P2RY14: variants seen among roughly 807,000 people sequenced by gnomAD.
The protein encoded by P2RY14 is purinergic receptor P2Y14, also known as P2Y purinoceptor 14.
In P2RY14, 2 loss-of-function variants were observed where a neutral mutation model predicts 0.9. The observed-to-expected ratio is 2.16, with a 90% CI of 0.88 to 6.79. P2RY14 has a LOEUF of 6.79. Ranked by LOEUF, P2RY14 falls within the 30% of genes most tolerant of loss-of-function variation. P2RY14 has a pLI of 0.05. For missense variants in P2RY14, 378 were observed against 400.1 expected, an observed-to-expected ratio of 0.94 and a Z score of 0.47; for synonymous variants, 158 against 147.2, an observed-to-expected ratio of 1.07 and a Z score of -0.53.
At chr3:151,255,701 A>G (rs564387819) in intron 1 of P2RY14, among the ~76,000 whole-genome samples, 155 of 152,324 alleles carry the variant, frequency 1.0e-3, no homozygotes, top group African/African-American at 3.5e-3. Context: ...GAAAAAATAC[A>G]GCGAACTTGT....
At chr3:151,214,389 A>G (rs1727784700) in intron 2 of P2RY14, 49 bp from the exon 3 acceptor site, 3 of 1,287,384 alleles carry the variant, frequency 2.3e-6, no homozygotes, top group South Asian at 2.8e-5. Context: ...ATGGCCTCCA[A>G]GACATTTGCT....
intron 1 of P2RY14, among the ~76,000 whole-genome samples, chr3:151,272,625 T>C (rs939339566): frequency 6.6e-6 from 1 of 152,330 alleles, no homozygotes; most frequent in South Asian, 2.1e-4. Context: ...CTGCCCCAAG[T>C]ATAAAATATT....
At chr3:151,257,059 T>G (rs1737956723) in intron 1 of P2RY14, among the ~76,000 whole-genome samples, 1 of 152,188 alleles carries the variant, frequency 6.6e-6, no homozygotes, top group Non-Finnish European at 1.5e-5. Context: ...ATACAGCTGC[T>G]TCTGAGATAC....
At chr3:151,252,467 T>C (rs1737042943) in intron 1 of P2RY14, among the ~76,000 whole-genome samples, 1 of 152,168 alleles carries the variant, frequency 6.6e-6, no homozygotes, top group African/African-American at 2.4e-5. Context: ...GGTGAGCTGT[T>C]GAGAGCCAGG....
At chr3:151,256,862 TG>T (rs1737916520) in intron 1 of P2RY14, among the ~76,000 whole-genome samples, 2 of 150,482 alleles carry the variant, frequency 1.3e-5, no homozygotes, top group Admixed American at 6.6e-5. Context: ...TTTTTTTTGT[TG>T]TTTTTTTTTT....
intron 1 of P2RY14, among the ~76,000 whole-genome samples, chr3:151,242,216 C>T (rs1379424413): frequency 6.6e-6 from 1 of 152,264 alleles, no homozygotes; most frequent in African/African-American, 2.4e-5. Flanking sequence ...CGCCATTGCC[C>T]AGGCTTGATT....
chr3:151,231,178 C>G (rs1380083986), intron 1 of P2RY14, among the ~76,000 whole-genome samples: 1 of 152,158 alleles, frequency 6.6e-6, no homozygotes, highest in Admixed American at 6.5e-5. Context: ...AATGAGAAAG[C>G]TCTTGTTTAC....
chr3:151,265,118 C>T (rs531753994), intron 1 of P2RY14, among the ~76,000 whole-genome samples: 3 of 152,198 alleles, frequency 2.0e-5, no homozygotes, highest in Non-Finnish European at 2.9e-5. Flanking sequence ...TGCAGAACCA[C>T]TTGTTATGCT....
chr3:151,262,002 C>T (rs777186079), intron 1 of P2RY14, among the ~76,000 whole-genome samples: 1 of 152,162 alleles, frequency 6.6e-6, no homozygotes, highest in African/African-American at 2.4e-5. Flanking sequence ...GCTAAGATTA[C>T]AGGTATGTGC....
intron 1 of P2RY14, among the ~76,000 whole-genome samples, chr3:151,239,459 G>A (rs970068140): frequency 1.4e-4 from 21 of 152,182 alleles, no homozygotes; most frequent in Non-Finnish European, 1.5e-5. Flanking sequence ...AAGTGGATAT[G>A]AGAATCCAAC....
At chr3:151,263,641 A>C (rs2149511246) in intron 1 of P2RY14, among the ~76,000 whole-genome samples, 1 of 152,326 alleles carries the variant, frequency 6.6e-6, no homozygotes, top group East Asian at 1.9e-4. Flanking sequence ...ATTTGAAAGA[A>C]ACAATCCAAG....
At chr3:151,232,154 ATTGATGTTTC>A (rs1242574658) in intron 1 of P2RY14, among the ~76,000 whole-genome samples, 1 of 152,096 alleles carries the variant, frequency 6.6e-6, no homozygotes, top group Admixed American at 6.6e-5. Flanking sequence ...CATCCTTAAA[ATTGATGTTTC>A]TTGTTCTATT....
intron 1 of P2RY14, among the ~76,000 whole-genome samples, chr3:151,222,037 A>G (rs1202436354): frequency 1.3e-5 from 2 of 152,246 alleles, no homozygotes; most frequent in East Asian, 1.9e-4. Context: ...GGTGTGAGAC[A>G]TGGAGTCAAA....
intron 1 of P2RY14, among the ~76,000 whole-genome samples, chr3:151,245,304 G>T (rs1735162139): frequency 6.6e-6 from 1 of 151,934 alleles, no homozygotes; most frequent in Non-Finnish European, 1.5e-5. Flanking sequence ...AAGCTGGGCA[G>T]AGACACAACC....
intron 1 of P2RY14, among the ~76,000 whole-genome samples, chr3:151,252,363 C>T (rs1577129965): frequency 2.6e-5 from 4 of 152,170 alleles, no homozygotes; most frequent in East Asian, 3.9e-4. Flanking sequence ...TCATGGTCAT[C>T]GCTAAGATCT....
At chr3:151,267,689 ATAAG>A (rs1291129851) in intron 1 of P2RY14, among the ~76,000 whole-genome samples, 1 of 152,134 alleles carries the variant, frequency 6.6e-6, no homozygotes, top group Admixed American at 6.6e-5. Context: ...ACTTATATAT[ATAAG>A]TCAGTTTTCA....
At chr3:151,214,662 A>G (rs1727850936) in intron 2 of P2RY14, among the ~76,000 whole-genome samples, 1 of 146,830 alleles carries the variant, frequency 6.8e-6, no homozygotes, top group African/African-American at 2.6e-5. Flanking sequence ...GGAAGAATGG[A>G]GCAGACAGGT....
chr3:151,253,955 A>G (rs1384152152), intron 1 of P2RY14, among the ~76,000 whole-genome samples: 2 of 150,724 alleles, frequency 1.3e-5, no homozygotes, highest in Non-Finnish European at 3.0e-5. Context: ...AGTCCAAGGA[A>G]TGGATACATT....
At position 151,212,487 on chromosome 3, in the gene P2RY14, T is replaced by TC. The variant is rs1189672685; in HGVS notation, c.*812dup. ...GTTCTACGGTGTGGGTGTGTCTTTT[T>TC]CCCAGTCATCTTATTTTTCCCATAC... On this transcript the variant is annotated 3_prime_UTR_variant, in exon 3 of 3. Coordinates refer to ENST00000309170, the MANE Select transcript of P2RY14 (RefSeq NM_014879.4). 2 of 152,208 alleles carry TC rather than the reference T, an allele frequency of 1.3e-5. No homozygotes were observed. The highest frequency in any genetic ancestry group is 2.9e-5 in the Non-Finnish European group (2 of 68,038). The allele number at this position is 152,208 out of a possible 1,614,324, so 9.4% of individuals were successfully genotyped here. A position where few individuals can be genotyped will look rare whatever the true frequency, so the allele number is the denominator to read the frequency against.
Sources: gnomAD v4.1 joint callset for allele counts (sites outside exome capture counted in the v4.1 genomes callset) on GRCh38, gnomAD v4.1.1 for gene constraint, MANE v1.5 for transcripts, NCBI Gene and HGNC (gene_info 2026-07-23, HGNC 2026-07-21) for gene names.